COG2: variants seen among roughly 807,000 people sequenced by gnomAD.
The protein encoded by COG2 is component of oligomeric golgi complex 2.
A neutral mutation model predicts 90.6 loss-of-function variants in COG2; 52 were observed. The observed-to-expected ratio is 0.57, with a 90% CI of 0.46 to 0.72. The LOEUF (loss-of-function observed/expected upper bound fraction) is 0.72, where lower values mean the gene tolerates loss of function less well. Ranked by LOEUF, COG2 falls within the 30% of genes least tolerant of loss-of-function variation. The pLI is 0.00. For synonymous variants in COG2, 337 were observed against 320.4 expected, an observed-to-expected ratio of 1.05 and a Z score of -0.55; for missense variants, 829 against 891.2, an observed-to-expected ratio of 0.93 and a Z score of 0.89.
At chr1:230,653,325 A>G (rs61828613) in intron 1 of COG2, among the ~76,000 whole-genome samples, 8,100 of 151,750 alleles carry the variant, frequency 0.053, 245 homozygotes, top group Middle Eastern at 0.088. Flanking sequence ...GCCTCAAGCA[A>G]TTCTCATGGC....
At chr1:230,642,699 C>G (rs1393034319) in intron 1 of COG2, 21 bp downstream of exon 1, 1 of 1,607,260 alleles carries the variant, frequency 6.2e-7, no homozygotes, top group Non-Finnish European at 8.5e-7. Context: ...CGTCCGCTCC[C>G]CGGAGCCGGG....
At chr1:230,664,093 G>A (rs541222038) in intron 4 of COG2, among the ~76,000 whole-genome samples, 3 of 152,232 alleles carry the variant, frequency 2.0e-5, no homozygotes, top group Middle Eastern at 3.4e-3. Flanking sequence ...GGAGGCTGAG[G>A]TGGGAGGATC....
intron 1 of COG2, among the ~76,000 whole-genome samples, chr1:230,647,124 C>T (rs1405211566): frequency 1.3e-5 from 2 of 152,084 alleles, no homozygotes; most frequent in Non-Finnish European, 2.9e-5. Context: ...CTGTATACAC[C>T]ATGAAAACAT....
chr1:230,673,574 ATGT>A (rs1177507416), intron 8 of COG2, among the ~76,000 whole-genome samples: 2 of 152,230 alleles, frequency 1.3e-5, no homozygotes, highest in African/African-American at 2.4e-5. Context: ...GAATGAGGAA[ATGT>A]TGTCATTTAA....
rs777749902 is a variant in COG2 at position 230,642,636 on chromosome 1, G to A, written c.30G>A (p.Lys10=). 1.4e-5 allele frequency: 22 copies of A among 1,613,262 alleles called. No homozygotes were observed. The South Asian group carries it at 2.4e-4, about 18-fold the overall frequency. ...AGAAAAGTAGGATGAACCTGCCCAAGGGGCCGGACACGCTCTGCTTCGACA... is the reference window on the plus strand; with the variant it reads ...AGAAAAGTAGGATGAACCTGCCCAAAGGGCCGGACACGCTCTGCTTCGACA... The part of the protein sequence containing the change: MEKSRMNLP[K]GPDTLCFDKD... The change falls in exon 1 of 18, where the codon AAG becomes AAA. Residue 10 remains lysine (K), a synonymous_variant. Transcript: ENST00000366669.
chr1:230,686,861 G>A lies in COG2; in HGVS notation c.1381-74G>A, dbSNP rs1536591. The A allele has an allele frequency of 0.72, 642,278 of 896,262 alleles. 233,697 individuals carry two copies. Among genetic ancestry groups the A allele is most frequent in the Non-Finnish European group, 0.76 (464,000 of 612,872 alleles). The allele number at this position is 896,262 out of a possible 1,614,324, so 55.5% of individuals were successfully genotyped here. On this transcript the variant is annotated intron_variant, in intron 12 of 17. Transcript: ENST00000366669. ...GCATTTAATGGTGAGTTATTGACGC[G>A]CACATATGTAATATATAAATGCTCA...
At chr1:230,669,290 C>T (rs1202663267) in intron 6 of COG2, 66 bp from the exon 7 acceptor site, 1 of 1,439,634 alleles carries the variant, frequency 6.9e-7, no homozygotes, top group African/African-American at 1.4e-5. Flanking sequence ...TGTTATATAT[C>T]TACTTGCAGT....
intron 8 of COG2, among the ~76,000 whole-genome samples, chr1:230,672,327 G>T (rs1662467547): frequency 1.3e-5 from 2 of 152,146 alleles, no homozygotes; most frequent in African/African-American, 2.4e-5. Flanking sequence ...GGCCCTTTTT[G>T]TTCTTGCCTG....
chr1:230,670,852 A>G (rs963393513), intron 7 of COG2: 1 of 152,016 alleles, frequency 6.6e-6, no homozygotes, highest in Non-Finnish European at 1.5e-5. Flanking sequence ...AGCGCAAGTG[A>G]TCTGCCTGCC....
intron 15 of COG2, among the ~76,000 whole-genome samples, chr1:230,688,898 A>C (rs548757071): frequency 6.6e-6 from 1 of 152,348 alleles, no homozygotes; most frequent in African/African-American, 2.4e-5. Flanking sequence ...TCTCCATATC[A>C]GGTATTCCAC....
chr1:230,669,564 A>G, intron 7 of COG2, 29 bp downstream of exon 7: 1 of 1,596,102 alleles, frequency 6.3e-7, no homozygotes, highest in Non-Finnish European at 8.6e-7. Flanking sequence ...ACAAACATTC[A>G]TGAGCTTCTG....
intron 4 of COG2, among the ~76,000 whole-genome samples, chr1:230,663,832 A>G (rs1450063062): frequency 6.6e-6 from 1 of 152,230 alleles, no homozygotes; most frequent in Non-Finnish European, 1.5e-5. Flanking sequence ...TCAGAAACTA[A>G]GAACATAAAA....
rs2102777014 is a variant in COG2 at position 230,691,414 on chromosome 1, C to T, written c.1965C>T (p.Asn655=). 1 of 1,614,004 alleles carries T rather than the reference C, an allele frequency of 6.2e-7. No homozygotes were observed. The highest frequency in any genetic ancestry group is 8.5e-7 in the Non-Finnish European group (1 of 1,179,996). ...KYYETVSDVL[N]SVKKMEESLK... ...ATGAAACCGTGTCAGATGTATTAAA[C>T]TCTGTGAAGAAGATGGAAGAGAGCC... The change falls in exon 17 of 18, where the codon AAC becomes AAT. Residue 655 remains asparagine (N), a synonymous_variant. Coordinates refer to ENST00000366669, the MANE Select transcript of COG2 (RefSeq NM_007357.3).
chr1:230,651,375 C>G (rs915098086), intron 1 of COG2, among the ~76,000 whole-genome samples: 2 of 152,102 alleles, frequency 1.3e-5, no homozygotes, highest in Non-Finnish European at 2.9e-5. Context: ...GGGTCTCAGG[C>G]GAGCTTTAAA....
rs1661961979 is a variant in COG2, at chr1:230,653,373, A to G, written c.73-6091A>G. Among the ~76,000 whole-genome samples, 5 of 151,926 alleles carry G rather than the reference A, an allele frequency of 3.3e-5. No homozygotes were observed. In the South Asian group the frequency reaches 8.3e-4, roughly 25 times the overall value. Reference sequence around the variant, plus strand: ...GTAACTGGGAGTACAGGCACATGCCACCACGCCGGGCTAATTTTTGTATTT... The same window carrying G: ...GTAACTGGGAGTACAGGCACATGCCGCCACGCCGGGCTAATTTTTGTATTT... On this transcript the variant is annotated intron_variant, in intron 1 of 17. Transcript: ENST00000366669.
Position 230,690,090 on chromosome 1 carries a change from A to G in COG2, c.1871A>G (p.Asp624Gly). The change falls in exon 16 of 18, where the codon GAT (aspartate) becomes GGT (glycine). Residue 624 changes from aspartate to glycine, a missense_variant. By Grantham distance (94) the Asp-to-Gly change is moderately conservative (BLOSUM62 -1). Transcript: ENST00000366669. ...PLFQLQSGHK[D>G]KLKQAIIQQW... is the part of the protein sequence containing the mutation. ...TTCCAGCTTCAGAGCGGACACAAGG[A>G]TAAGCTCAAACAAGCAATAATTCAG... 1.2e-6 allele frequency: 2 copies of G among 1,613,646 alleles called. No homozygotes were observed. Among genetic ancestry groups the G allele is most frequent in the Non-Finnish European group, 1.7e-6 (2 of 1,179,776 alleles).
chr1:230,679,333 A>G (rs1248199641), intron 10 of COG2: 2 of 271,490 alleles, frequency 7.4e-6, no homozygotes, highest in Admixed American at 5.0e-5. Context: ...CCCACCCACC[A>G]TGTCCTCATT....
At chr1:230,686,868 T>C (rs1662896452) in intron 12 of COG2, 67 bp from the exon 13 acceptor site, 1 of 1,009,582 alleles carries the variant, frequency 9.9e-7, no homozygotes, top group Non-Finnish European at 1.4e-6. Flanking sequence ...CGCGCACATA[T>C]GTAATATATA....
chr1:230,647,210 G>C (rs931677598), intron 1 of COG2, among the ~76,000 whole-genome samples: 2 of 152,124 alleles, frequency 1.3e-5, no homozygotes, highest in African/African-American at 4.8e-5. Context: ...CTATTGATTA[G>C]TAGCTATCTT....
Sources: gnomAD v4.1 joint callset for allele counts (sites outside exome capture counted in the v4.1 genomes callset) on GRCh38, gnomAD v4.1.1 for gene constraint, MANE v1.5 for transcripts, NCBI Gene and HGNC (gene_info 2026-07-23, HGNC 2026-07-21) for gene names.